Variants in PDCD7 observed in about 807,000 individuals in gnomAD.
PDCD7 encodes programmed cell death 7.
Under a neutral mutation model 42.1 loss-of-function variants are expected in PDCD7, and 40 were observed. That is an observed-to-expected ratio of 0.95 (90% CI 0.74 to 1.24). The LOEUF is 1.24. Among genes scored for constraint, PDCD7 ranks in the 50% most tolerant of loss-of-function variants. The pLI is 0.00. For synonymous variants in PDCD7, 299 were observed against 303.3 expected, an observed-to-expected ratio of 0.99 and a Z score of 0.15; for missense variants, 644 against 662.8, an observed-to-expected ratio of 0.97 and a Z score of 0.31.
chr15:65,121,824 T>A (rs945772176), intron 2 of PDCD7, among the ~76,000 whole-genome samples: 1 of 152,200 alleles, frequency 6.6e-6, no homozygotes, highest in Non-Finnish European at 1.5e-5. Flanking sequence ...TGTATTCTAT[T>A]TTTGTGCATG....
chr15:65,133,491 G>C lies in PDCD7; in HGVS notation c.291C>G (p.Pro97=). 8.2e-7 allele frequency: 1 copy of C among 1,224,098 alleles called. No homozygotes were observed. The highest frequency in any genetic ancestry group is 1.0e-6 in the Non-Finnish European group (1 of 983,190). The allele number at this position is 1,224,098 out of a possible 1,614,324, so 75.8% of individuals were successfully genotyped here. A position where few individuals can be genotyped will look rare whatever the true frequency, so the allele number is the denominator to read the frequency against. The change falls in exon 1 of 5, where the codon CCC becomes CCG. Residue 97 remains proline, a synonymous_variant. Coordinates refer to ENST00000204549, the MANE Select transcript of PDCD7 (RefSeq NM_005707.2). ...PLPPPPPQCR[P]FPGTDAGERP... Reference sequence around the variant, plus strand: ...GCTCGCCGGCGTCGGTCCCCGGGAAGGGCCGACACTGGGGCGGCGGAGGAG... The same window carrying C: ...GCTCGCCGGCGTCGGTCCCCGGGAACGGCCGACACTGGGGCGGCGGAGGAG...
At position 65,118,612 on chromosome 15, in the gene PDCD7, T is replaced by C. The variant is rs1202835737; in HGVS notation, c.*105A>G. The C allele has an allele frequency of 8.3e-7, 1 of 1,201,770 alleles. No individual in the cohort carries two copies. Among genetic ancestry groups the C allele is most frequent in the African/African-American group, 1.6e-5 (1 of 64,138 alleles). The allele number at this position is 1,201,770 out of a possible 1,614,324, so 74.4% of individuals were successfully genotyped here. ...AACTTCAGGGTAGGGGAATGCCACA[T>C]GGAATTTAGAAGTTGCAGTTTAGTC... On this transcript the variant is annotated 3_prime_UTR_variant, in exon 5 of 5. Transcript: ENST00000204549.
rs1429454071 is a variant in PDCD7 at position 65,118,692 on chromosome 15, G to C, written c.*25C>G. The C allele has an allele frequency of 6.3e-7, 1 of 1,577,164 alleles. No homozygotes were observed. The highest frequency in any genetic ancestry group is 2.3e-5 in the East Asian group (1 of 43,540). On this transcript the variant is annotated 3_prime_UTR_variant, in exon 5 of 5. Transcript: ENST00000204549. ...TTTACAGCTGGAAAGAGCGCTGGCTGGACCACACTCCTGGAGCATCTTTAC... is the reference window on the plus strand; with the variant it reads ...TTTACAGCTGGAAAGAGCGCTGGCTCGACCACACTCCTGGAGCATCTTTAC...
chr15:65,132,405 C>G (rs1184203894), intron 1 of PDCD7, among the ~76,000 whole-genome samples: 1 of 151,910 alleles, frequency 6.6e-6, no homozygotes, highest in African/African-American at 2.4e-5. Flanking sequence ...GCGCCCGCCA[C>G]CACGCATGGC....
At chr15:65,132,868 C>T in intron 1 of PDCD7, 44 bp downstream of exon 1, 1 of 1,593,568 alleles carries the variant, frequency 6.3e-7, no homozygotes, top group Non-Finnish European at 8.5e-7. Flanking sequence ...CTCCAGGTTC[C>T]AACCACCACC....
At chr15:65,119,984 TTTA>T in intron 2 of PDCD7, 30 bp from the exon 3 acceptor site, 1 of 1,585,234 alleles carries the variant, frequency 6.3e-7, no homozygotes, top group Non-Finnish European at 8.5e-7. Flanking sequence ...TGGCATTTTA[TTTA>T]TTTTTTTTTT....
rs1191114287 is a variant in PDCD7 at position 65,133,303 on chromosome 15, G to C, written c.479C>G (p.Pro160Arg). 7.7e-7 allele frequency: 1 copy of C among 1,301,462 alleles called. No individual in the cohort carries two copies. Among genetic ancestry groups the C allele is most frequent in the Admixed American group, 3.9e-5 (1 of 25,906 alleles). 80.6% of individuals were successfully genotyped at this position (1,301,462 alleles called of 1,614,324 possible). A position where few individuals can be genotyped will look rare whatever the true frequency, so the allele number is the denominator to read the frequency against. ...CCCGGCATGCGTGCGCTGGGGCACC[G>C]GACAGCCTGCCCGCCGCGGGGTCCC... The part of the protein sequence containing the change: ...VFGTPRRAGC[P>R]VPQRTHAGPS... The change falls in exon 1 of 5, where the codon CCG becomes CGG. Residue 160 changes from proline (P) to arginine (R), a missense_variant. By Grantham distance (103) the Pro-to-Arg change is moderately radical. Transcript: ENST00000204549.
chr15:65,121,098 C>T (rs1328767406), intron 2 of PDCD7, among the ~76,000 whole-genome samples: 3 of 149,610 alleles, frequency 2.0e-5, no homozygotes. Flanking sequence ...TCTTGTTGCC[C>T]AGGCTGGAGG....
intron 2 of PDCD7, 77 bp downstream of exon 2, chr15:65,128,955 C>T (rs867823080): frequency 6.6e-7 from 1 of 1,504,872 alleles, no homozygotes; most frequent in African/African-American, 1.4e-5. Flanking sequence ...ATTTTTCCCT[C>T]AATAATATTT....
rs1042370582 is a variant in PDCD7 at position 65,133,603 on chromosome 15, A to G, written c.179T>C (p.Leu60Pro). The change falls in exon 1 of 5, where the codon CTG (leucine) becomes CCG (proline). Residue 60 changes from leucine (L) to proline (P), a missense_variant. By Grantham distance (98) the Leu-to-Pro change is moderately conservative. Transcript: ENST00000204549. ...GASAPFLQPP[L>P]ALQPRASAEA... is the part of the protein sequence containing the mutation. Reference sequence around the variant, plus strand: ...CGCGGAGGCTCGGGGCTGCAGAGCCAGCGGAGGCTGAAGGAAGGGGGCGGA... The same window carrying G: ...CGCGGAGGCTCGGGGCTGCAGAGCCGGCGGAGGCTGAAGGAAGGGGGCGGA... 1.6e-6 allele frequency: 2 copies of G among 1,239,008 alleles called. No individual in the cohort carries two copies. The highest frequency in any genetic ancestry group is 7.7e-5 in the South Asian group (2 of 26,096). The allele number at this position is 1,239,008 out of a possible 1,614,324, so 76.8% of individuals were successfully genotyped here.
At chr15:65,123,627 G>A (rs2087474343) in intron 2 of PDCD7, among the ~76,000 whole-genome samples, 1 of 152,194 alleles carries the variant, frequency 6.6e-6, no homozygotes, top group Admixed American at 6.5e-5. Context: ...TTGTAAAGTT[G>A]TAATTTGGAG....
At position 65,118,711 on chromosome 15, in the gene PDCD7, T is replaced by C. The variant is rs376883678; in HGVS notation, c.*6A>G. On this transcript the variant is annotated 3_prime_UTR_variant, in exon 5 of 5. Coordinates refer to ENST00000204549, the MANE Select transcript of PDCD7 (RefSeq NM_005707.2). ...CTGGCTGGACCACACTCCTGGAGCA[T>C]CTTTACTAATGCAGCTTAACAGCAG... is the stretch of plus-strand genomic sequence containing the variant. 24 of 1,599,642 alleles carry C rather than the reference T, an allele frequency of 1.5e-5. No individual in the cohort carries two copies. In the African/African-American group the frequency reaches 2.7e-4, roughly 18 times the overall value.
At chr15:65,123,224 T>C (rs2087471075) in intron 2 of PDCD7, among the ~76,000 whole-genome samples, 1 of 152,214 alleles carries the variant, frequency 6.6e-6, no homozygotes. Flanking sequence ...AGTCTCGCTC[T>C]GTCACCAGGC....
At chr15:65,120,616 G>T (rs2087446041) in intron 2 of PDCD7, among the ~76,000 whole-genome samples, 1 of 152,156 alleles carries the variant, frequency 6.6e-6, no homozygotes, top group African/African-American at 2.4e-5. Flanking sequence ...GCTGAGACAG[G>T]AGAATGGCGT....
At position 65,133,513 on chromosome 15, in the gene PDCD7, G is replaced by A. The variant is rs1342904397; in HGVS notation, c.269C>T (p.Pro90Leu). The change falls in exon 1 of 5, where the codon CCT becomes CTT. Residue 90 changes from proline to leucine, a missense_variant. Coordinates refer to ENST00000204549, the MANE Select transcript of PDCD7 (RefSeq NM_005707.2). ...GAAGGGCCGACACTGGGGCGGCGGA[G>A]GAGGCAGCGGCGGTGGTGGCACCGG... Reference protein sequence around the residue: ...FYPVPPPPLPPPPPQCRPFPG... With the variant: ...FYPVPPPPLPLPPPQCRPFPG... The A allele has an allele frequency of 1.6e-6, 2 of 1,227,202 alleles. No individual in the cohort carries two copies. Among genetic ancestry groups the A allele is most frequent in the Non-Finnish European group, 2.0e-6 (2 of 985,242 alleles). The allele number at this position is 1,227,202 out of a possible 1,614,324, so 76.0% of individuals were successfully genotyped here. A position where few individuals can be genotyped will look rare whatever the true frequency, so the allele number is the denominator to read the frequency against.
In PDCD7 at chr15:65,133,536, C is replaced by A; in HGVS notation, c.246G>T (p.Pro82=). ...RGGGGAGAFY[P]VPPPPLPPPP... ...GAGGAGGCAGCGGCGGTGGTGGCAC[C>A]GGGTAGAAGGCGCCAGCGCCGCCTC... Residue 82 remains proline, a synonymous_variant, in exon 1 of 5, where the codon CCG becomes CCT. Coordinates refer to ENST00000204549, the MANE Select transcript of PDCD7 (RefSeq NM_005707.2). The A allele has an allele frequency of 5.7e-6, 7 of 1,228,188 alleles. No homozygotes were observed. The highest frequency in any genetic ancestry group is 7.1e-6 in the Non-Finnish European group (7 of 985,762). 76.1% of individuals were successfully genotyped at this position (1,228,188 alleles called of 1,614,324 possible). A position where few individuals can be genotyped will look rare whatever the true frequency, so the allele number is the denominator to read the frequency against.
chr15:65,130,197 G>C (rs1186049079), intron 1 of PDCD7, among the ~76,000 whole-genome samples: 2 of 117,572 alleles, frequency 1.7e-5, no homozygotes, highest in Admixed American at 1.2e-4. Flanking sequence ...TCTCGCTGTT[G>C]TCCAGGCTGG....
At chr15:65,125,739 G>A (rs1348008215) in intron 2 of PDCD7, among the ~76,000 whole-genome samples, 1 of 152,096 alleles carries the variant, frequency 6.6e-6, no homozygotes, top group Non-Finnish European at 1.5e-5. Context: ...TTTTGCAGAT[G>A]AGGAAACAAA....
intron 2 of PDCD7, among the ~76,000 whole-genome samples, chr15:65,123,625 T>C (rs2087474317): frequency 6.6e-6 from 1 of 152,200 alleles, no homozygotes; most frequent in South Asian, 2.1e-4. Context: ...TCTTGTAAAG[T>C]TGTAATTTGG....
Sources: allele counts gnomAD v4.1 joint callset (sites outside exome capture counted in the v4.1 genomes callset), GRCh38; gene constraint gnomAD v4.1.1; transcripts MANE v1.5; gene names NCBI Gene and HGNC (gene_info 2026-07-23, HGNC 2026-07-21).